LRIG1: variants seen among roughly 807,000 people sequenced by gnomAD.
LRIG1 encodes the protein leucine rich repeats and immunoglobulin like domains 1.
A neutral mutation model predicts 99.2 loss-of-function variants in LRIG1; 48 were observed. That is an observed-to-expected ratio of 0.48 (90% CI 0.38 to 0.62). LRIG1 has a LOEUF of 0.62. Among genes scored for constraint, LRIG1 ranks in the 20% least tolerant of loss-of-function variants. The probability of loss-of-function intolerance (pLI) is 0.00; values close to 1 mark genes in which losing one functional copy is unlikely to be tolerated. For synonymous variants in LRIG1, 772 were observed against 596.1 expected, an observed-to-expected ratio of 1.29 and a Z score of -4.30; for missense variants, 1,646 against 1,434.4, an observed-to-expected ratio of 1.15 and a Z score of -2.38.
At chr3:66,393,755 G>GA (rs1701718961) in intron 12 of LRIG1, among the ~76,000 whole-genome samples, 1 of 152,196 alleles carries the variant, frequency 6.6e-6, no homozygotes, top group Non-Finnish European at 1.5e-5. Flanking sequence ...GAGCCCTTCT[G>GA]AAACAACAGA....
At chr3:66,404,101 C>T (rs753422163) in intron 9 of LRIG1, 8 of 441,716 alleles carry the variant, frequency 1.8e-5, no homozygotes, top group African/African-American at 2.1e-5. Context: ...GAGTACAGGA[C>T]GCTCAAGAAG....
At chr3:66,404,505 C>T (rs1253132191) in intron 9 of LRIG1, 14 of 964,344 alleles carry the variant, frequency 1.5e-5, no homozygotes, top group South Asian at 2.4e-5. Flanking sequence ...GGGAAGGGAA[C>T]GTGGGCTTTG....
chr3:66,421,310 T>C (rs1166835343), intron 3 of LRIG1, among the ~76,000 whole-genome samples: 1 of 152,200 alleles, frequency 6.6e-6, no homozygotes, highest in African/African-American at 2.4e-5. Context: ...CCAAAGTCTC[T>C]TCTGAGACAA....
chr3:66,407,557 A>T, intron 7 of LRIG1, 66 bp from the exon 8 acceptor site: 1 of 1,581,146 alleles, frequency 6.3e-7, no homozygotes, highest in Admixed American at 1.7e-5. Context: ...ACCCCACCGG[A>T]AATTGGGCCA....
intron 3 of LRIG1, among the ~76,000 whole-genome samples, chr3:66,449,774 C>T (rs3845897): frequency 0.94 from 143,390 of 152,248 alleles, 67,873 homozygotes; most frequent in Non-Finnish European, 1. Context: ...TCCTCTCTGA[C>T]AACACAGAGA....
At chr3:66,422,103 A>C (rs527679580) in intron 3 of LRIG1, among the ~76,000 whole-genome samples, 1 of 152,070 alleles carries the variant, frequency 6.6e-6, no homozygotes, top group East Asian at 1.9e-4. Flanking sequence ...CCACGAAACC[A>C]CTTTTTCCTC....
At chr3:66,389,446 G>C (rs1020980296) in intron 12 of LRIG1, among the ~76,000 whole-genome samples, 1 of 152,074 alleles carries the variant, frequency 6.6e-6, no homozygotes, top group Non-Finnish European at 1.5e-5. Context: ...AAAAAACTAT[G>C]ATCCAGCTAT....
intron 3 of LRIG1, among the ~76,000 whole-genome samples, chr3:66,426,301 T>C (rs896017568): frequency 6.6e-6 from 1 of 152,092 alleles, no homozygotes; most frequent in Non-Finnish European, 1.5e-5. Context: ...AATGAATGAG[T>C]GTGGCTATGT....
chr3:66,492,929 A>G (rs1224965714), intron 1 of LRIG1, among the ~76,000 whole-genome samples: 1 of 152,222 alleles, frequency 6.6e-6, no homozygotes, highest in African/African-American at 2.4e-5. Context: ...AACAGTAAAC[A>G]GCTTTTCAGG....
At chr3:66,427,193 T>G (rs950874642) in intron 3 of LRIG1, among the ~76,000 whole-genome samples, 3 of 152,190 alleles carry the variant, frequency 2.0e-5, no homozygotes, top group African/African-American at 7.2e-5. Context: ...CTGGAATTCT[T>G]ACCAAGGCTC....
intron 8 of LRIG1, among the ~76,000 whole-genome samples, chr3:66,407,124 C>CCT (rs1305359410): frequency 6.6e-6 from 1 of 152,136 alleles, no homozygotes; most frequent in Non-Finnish European, 1.5e-5. Context: ...AGCTGCCATC[C>CCT]CTCTCTAGGC....
At chr3:66,491,352 A>G (rs1435253291) in intron 1 of LRIG1, among the ~76,000 whole-genome samples, 1 of 152,258 alleles carries the variant, frequency 6.6e-6, no homozygotes, top group African/African-American at 2.4e-5. Context: ...AACAATTAAT[A>G]GCTTGGTAGA....
chr3:66,404,809 G>A (rs1441631626), intron 9 of LRIG1, among the ~76,000 whole-genome samples: 2 of 152,126 alleles, frequency 1.3e-5, no homozygotes, highest in Admixed American at 6.5e-5. Flanking sequence ...GTACTGACAG[G>A]AGCCCCACCG....
chr3:66,418,239 G>C (rs554051528), intron 3 of LRIG1, among the ~76,000 whole-genome samples: 6 of 152,230 alleles, frequency 3.9e-5, no homozygotes, highest in Admixed American at 2.6e-4. Context: ...TTACAGGCAC[G>C]TGCCACCACA....
At chr3:66,498,648 G>A (rs548453753) in intron 1 of LRIG1, among the ~76,000 whole-genome samples, 1 of 150,910 alleles carries the variant, frequency 6.6e-6, no homozygotes, top group African/African-American at 2.5e-5. Context: ...GGACAATACT[G>A]GGCTCTATCT....
At chr3:66,430,211 G>T (rs1345963021) in intron 3 of LRIG1, among the ~76,000 whole-genome samples, 1 of 151,864 alleles carries the variant, frequency 6.6e-6, no homozygotes, top group East Asian at 1.9e-4. Flanking sequence ...CACTGAGGCA[G>T]GACCAACCAT....
At chr3:66,434,569 A>G (rs1245327998) in intron 3 of LRIG1, among the ~76,000 whole-genome samples, 1 of 152,078 alleles carries the variant, frequency 6.6e-6, no homozygotes. Context: ...CAACATGGCG[A>G]AACCCTGTCT....
intron 8 of LRIG1, 36 bp downstream of exon 8, chr3:66,407,312 G>GT: frequency 6.2e-7 from 1 of 1,612,894 alleles, no homozygotes; most frequent in Non-Finnish European, 8.5e-7. Flanking sequence ...CTCCCCACTG[G>GT]GGACCCCTTT....
chr3:66,458,426 G>C (rs1326244817), intron 2 of LRIG1, among the ~76,000 whole-genome samples: 1 of 152,166 alleles, frequency 6.6e-6, no homozygotes, highest in East Asian at 1.9e-4. Context: ...TAAGGGGCTG[G>C]GTGTGGGGGC....
Sources: gnomAD v4.1 joint callset for allele counts (sites outside exome capture counted in the v4.1 genomes callset) on GRCh38, gnomAD v4.1.1 for gene constraint, MANE v1.5 for transcripts, NCBI Gene and HGNC (gene_info 2026-07-23, HGNC 2026-07-21) for gene names.